The following ASIC2 variants were observed in gnomAD, a reference collection of about 807,000 sequenced individuals.
The protein encoded by ASIC2 is acid sensing ion channel subunit 2.
In ASIC2, 25 loss-of-function variants were observed where a neutral mutation model predicts 57.3. The observed-to-expected ratio is 0.44, with a 90% CI of 0.32 to 0.61. ASIC2 has a LOEUF of 0.61. Among genes scored for constraint, ASIC2 ranks in the 20% least tolerant of loss-of-function variants. The pLI is 0.06. For missense variants in ASIC2, 641 were observed against 738.1 expected (o/e 0.87, Z 1.52); for synonymous variants, 319 against 307.5 (o/e 1.04, Z -0.39).
rs34554429 is a variant in ASIC2 at position 33,908,161 on chromosome 17, G to A, written c.555+247817C>T. Reference sequence around the variant, plus strand: ...ACCCCCTTTGAGAAATTCTGTGCCCGCTGTATTCTTAGAGACACGGACCCC... The same window carrying A: ...ACCCCCTTTGAGAAATTCTGTGCCCACTGTATTCTTAGAGACACGGACCCC... On this transcript the variant is annotated intron_variant, in intron 1 of 9. Transcript: ENST00000359872. Among the ~76,000 whole-genome samples the A allele has an allele frequency of 9.7e-3, 1,480 of 152,246 alleles. 22 individuals carry two copies. The highest frequency in any genetic ancestry group is 0.034 in the African/African-American group (1,412 of 41,532).
At chr17:33,889,542 A>G (rs1265260825) in intron 1 of ASIC2, among the ~76,000 whole-genome samples, 1 of 150,104 alleles carries the variant, frequency 6.7e-6, no homozygotes, top group African/African-American at 2.5e-5. Context: ...CATGGAAAAC[A>G]ATTCTCTCAG....
At chr17:34,095,345 G>A (rs1910479058) in intron 1 of ASIC2, among the ~76,000 whole-genome samples, 2 of 152,082 alleles carry the variant, frequency 1.3e-5, no homozygotes, top group African/African-American at 4.8e-5. Context: ...GGCACCTGAG[G>A]TATAAAGCTG....
At chr17:33,949,924 G>A (rs1010807486) in intron 1 of ASIC2, among the ~76,000 whole-genome samples, 3 of 152,192 alleles carry the variant, frequency 2.0e-5, no homozygotes, top group African/African-American at 7.2e-5. Flanking sequence ...GCCTAGAGAT[G>A]TACCTCCAAA....
chr17:33,383,978 G>A (rs1597707928), intron 1 of ASIC2, among the ~76,000 whole-genome samples: 2 of 152,310 alleles, frequency 1.3e-5, no homozygotes, highest in South Asian at 4.2e-4. Context: ...TGGTGTGGCT[G>A]TTAGGAGTGG....
In ASIC2 at chr17:33,902,171, A is replaced by C. The variant is rs184123585; in HGVS notation, c.555+253807T>G. ...AGAGGTAAGGAGGATCTCCTGCAGC[A>C]GGAGATGTGACTCAGGATTGAGAAT... On this transcript the variant is annotated intron_variant, in intron 1 of 9. Coordinates refer to the ASIC2 transcript ENST00000359872. 7.9e-5 allele frequency among the ~76,000 whole-genome samples: 12 copies of C among 152,308 alleles called. No homozygotes were observed. In the East Asian group the frequency reaches 2.1e-3, roughly 27 times the overall value.
At chr17:33,158,295 ATGAATGAG>A (rs1049587818) in intron 1 of ASIC2, among the ~76,000 whole-genome samples, 6 of 151,942 alleles carry the variant, frequency 3.9e-5, no homozygotes, top group African/African-American at 1.5e-4. Context: ...GAATGAATGA[ATGAATGAG>A]TGAATCCTGC....
Position 33,619,584 on chromosome 17 carries a change from G to A in ASIC2, c.556-507517C>T, listed in dbSNP as rs570819192. ...ACAAAAGGCCACAGATTCCATCAAT[G>A]TGCTTACATTTATAAAAACAAGAGC... is the stretch of plus-strand genomic sequence containing the variant. On this transcript the variant is annotated intron_variant, in intron 1 of 9. Transcript: ENST00000359872. 2.6e-5 allele frequency among the ~76,000 whole-genome samples: 4 copies of A among 152,270 alleles called. No homozygotes were observed. In the East Asian group the frequency reaches 7.7e-4, roughly 29 times the overall value.
chr17:34,144,261 A>G (rs1912354732), intron 1 of ASIC2, among the ~76,000 whole-genome samples: 1 of 152,236 alleles, frequency 6.6e-6, no homozygotes, highest in South Asian at 2.1e-4. Flanking sequence ...AATGTTAGCC[A>G]TTATTAACAG....
intron 1 of ASIC2, among the ~76,000 whole-genome samples, chr17:33,138,421 TC>T (rs2092374251): frequency 1.3e-5 from 2 of 152,182 alleles, no homozygotes; most frequent in South Asian, 4.2e-4. Context: ...TGAAAGGACT[TC>T]CCCAGAGATT....
intron 1 of ASIC2, among the ~76,000 whole-genome samples, chr17:33,724,030 G>A (rs772160468): frequency 1.4e-4 from 21 of 152,132 alleles, no homozygotes; most frequent in Non-Finnish European, 2.5e-4. Context: ...TGTCATGGGA[G>A]GGACTCAGTG....
intron 3 of ASIC2, among the ~76,000 whole-genome samples, chr17:33,081,079 G>A (rs1194632892): frequency 6.6e-6 from 1 of 152,146 alleles, no homozygotes; most frequent in Non-Finnish European, 1.5e-5. Flanking sequence ...TCCTAAGACT[G>A]GAGTATATTT....
chr17:33,451,060 CT>C lies in ASIC2; in HGVS notation c.556-338994del, dbSNP rs67646824. Reference sequence around the variant, plus strand: ...AAAATTTGTCAGAGGCGTACATGTACTTTTTTTTTTTTCTGAGATGGAGTCT... The same window carrying C: ...AAAATTTGTCAGAGGCGTACATGTACTTTTTTTTTTTCTGAGATGGAGTCT... On this transcript the variant is annotated intron_variant, in intron 1 of 9. Coordinates refer to the ASIC2 transcript ENST00000359872. 1.3e-3 allele frequency among the ~76,000 whole-genome samples: 190 copies of C among 147,938 alleles called. 1 individual carries two copies. The highest frequency in any genetic ancestry group is 4.2e-3 in the African/African-American group (168 of 40,240).
chr17:33,920,828 C>G (rs1005056335), intron 1 of ASIC2, among the ~76,000 whole-genome samples: 8 of 152,168 alleles, frequency 5.3e-5, no homozygotes, highest in African/African-American at 1.9e-4. Flanking sequence ...TCCAGGGCCT[C>G]CAGGAGCCCC....
chr17:33,579,392 A>G (rs1342741278), intron 1 of ASIC2, among the ~76,000 whole-genome samples: 1 of 151,834 alleles, frequency 6.6e-6, no homozygotes, highest in South Asian at 2.1e-4. Context: ...ACTCCGCCTC[A>G]TTATTCTGGA....
intron 1 of ASIC2, among the ~76,000 whole-genome samples, chr17:33,553,568 T>C (rs1421008797): frequency 6.6e-6 from 1 of 152,054 alleles, no homozygotes; most frequent in East Asian, 1.9e-4. Context: ...ACTCCTGGGC[T>C]TGAGCAATCC....
intron 1 of ASIC2, among the ~76,000 whole-genome samples, chr17:33,594,703 C>T (rs1467226735): frequency 6.6e-6 from 1 of 152,066 alleles, no homozygotes; most frequent in Non-Finnish European, 1.5e-5. Context: ...TGGCGGGCGC[C>T]TGTAGTCCCA....
intron 1 of ASIC2, among the ~76,000 whole-genome samples, chr17:33,984,579 C>A (rs951278488): frequency 6.6e-6 from 1 of 152,204 alleles, no homozygotes. Context: ...TCCTCACAAC[C>A]ACCCGACGAT....
At chr17:33,020,118 G>A (rs936074156) in intron 7 of ASIC2, among the ~76,000 whole-genome samples, 11 of 152,070 alleles carry the variant, frequency 7.2e-5, no homozygotes, top group Non-Finnish European at 1.2e-4. Context: ...ATGGTGGGGA[G>A]TCCCCAGCCT....
chr17:33,089,613 C>T (rs981247696), intron 2 of ASIC2, among the ~76,000 whole-genome samples: 1 of 152,164 alleles, frequency 6.6e-6, no homozygotes, highest in African/African-American at 2.4e-5. Flanking sequence ...CCTCAGTTGC[C>T]AAATCTATAG....
Sources: allele counts gnomAD v4.1 joint callset (sites outside exome capture counted in the v4.1 genomes callset), GRCh38; gene constraint gnomAD v4.1.1; transcripts MANE v1.5; gene names NCBI Gene and HGNC (gene_info 2026-07-23, HGNC 2026-07-21).